The following ELAVL2 variants were observed in gnomAD, a reference collection of about 807,000 sequenced individuals.
ELAVL2 encodes ELAV like RNA binding protein 2.
Under a neutral mutation model 34.6 loss-of-function variants are expected in ELAVL2, and 4 were observed. The ratio of observed to expected loss-of-function variants is 0.12; its 90% CI spans 0.06 to 0.26. The LOEUF (loss-of-function observed/expected upper bound fraction) is 0.26, where lower values mean the gene tolerates loss of function less well. Ranked by LOEUF, ELAVL2 falls within the 10% of genes least tolerant of loss-of-function variation. ELAVL2 has a pLI of 1.00. For missense variants in ELAVL2, 432 were observed against 442.8 expected (o/e 0.98, Z 0.22); for synonymous variants, 193 against 154.8 (o/e 1.25, Z -1.83).
intron 5 of ELAVL2, 24 bp downstream of exon 5, chr9:23,701,355 G>T: frequency 6.2e-7 from 1 of 1,610,934 alleles, no homozygotes; most frequent in Non-Finnish European, 8.5e-7. Flanking sequence ...TAGTAGCTGG[G>T]CACAAGAACC....
chr9:23,827,609 G>A (rs1411551953), upstream of ELAVL2, among the ~76,000 whole-genome samples: 1 of 151,714 alleles, frequency 6.6e-6, no homozygotes, highest in Non-Finnish European at 1.5e-5. Flanking sequence ...TTTTTGAAAG[G>A]GATTCCTTTA....
Position 23,797,904 on chromosome 9 carries a change from C to T in ELAVL2, c.-16+27902G>A, listed in dbSNP as rs149845499. 7.3e-5 allele frequency among the ~76,000 whole-genome samples: 11 copies of T among 150,474 alleles called. No homozygotes were observed. In the East Asian group the frequency reaches 1.6e-3, roughly 21 times the overall value. On this transcript the variant is annotated intron_variant, in intron 1 of 6. Coordinates refer to ENST00000397312, the MANE Select transcript of ELAVL2 (RefSeq NM_004432.5). ...AATCACGCCATTGCACTCCAGCTTG[C>T]GCAACAAGAGTGAAACTCTGTCTCA...
At chr9:23,700,199 T>C (rs572886445) in intron 5 of ELAVL2, among the ~76,000 whole-genome samples, 2 of 152,186 alleles carry the variant, frequency 1.3e-5, no homozygotes, top group African/African-American at 4.8e-5. Context: ...ATAAATAAAA[T>C]TGATATGCAC....
chr9:23,835,079 A>C, the ELAVL2 span, among the ~76,000 whole-genome samples: 3 of 152,014 alleles, frequency 2.0e-5, no homozygotes, highest in Admixed American at 6.6e-5. Flanking sequence ...CCCGGATGTC[A>C]GTCTTTCTGC....
chr9:23,730,819 C>G (rs1358369778), intron 3 of ELAVL2, among the ~76,000 whole-genome samples: 1 of 152,024 alleles, frequency 6.6e-6, no homozygotes, highest in Non-Finnish European at 1.5e-5. Flanking sequence ...GCTCTGTCCC[C>G]CTTTGCGAAT....
chr9:23,756,531 T>A (rs184394892), intron 2 of ELAVL2, among the ~76,000 whole-genome samples: 112 of 152,172 alleles, frequency 7.4e-4, no homozygotes, highest in Non-Finnish European at 1.3e-3. Context: ...CAATCTACCC[T>A]GGAGTTTCAA....
chr9:23,846,887 T>C, the ELAVL2 span, among the ~76,000 whole-genome samples: 1 of 152,124 alleles, frequency 6.6e-6, no homozygotes, highest in Admixed American at 6.6e-5. Flanking sequence ...TTCTATTATT[T>C]GATTGTCATT....
intron 2 of ELAVL2, among the ~76,000 whole-genome samples, chr9:23,758,699 TACTC>T (rs1270492827): frequency 1.3e-5 from 2 of 152,086 alleles, no homozygotes; most frequent in Non-Finnish European, 2.9e-5. Context: ...CAGGGAGAGA[TACTC>T]ACTCTTCCCA....
intron 5 of ELAVL2, among the ~76,000 whole-genome samples, chr9:23,700,315 G>GCAT (rs754212278): frequency 2.0e-4 from 31 of 152,304 alleles, no homozygotes; most frequent in Non-Finnish European, 2.1e-4. Context: ...AATAAAAACT[G>GCAT]CATGACTTGC....
intron 3 of ELAVL2, among the ~76,000 whole-genome samples, chr9:23,706,373 G>A (rs1463076694): frequency 6.6e-6 from 1 of 152,142 alleles, no homozygotes; most frequent in African/African-American, 2.4e-5. Context: ...AACACATTTG[G>A]TGAGTAAAGC....
At chr9:23,704,291 A>T (rs2038554080) in intron 4 of ELAVL2, among the ~76,000 whole-genome samples, 1 of 152,120 alleles carries the variant, frequency 6.6e-6, no homozygotes, top group Non-Finnish European at 1.5e-5. Flanking sequence ...TTCATAATCA[A>T]ATCTATATTG....
chr9:23,730,822 T>C lies in ELAVL2; in HGVS notation c.333+200A>G, dbSNP rs1226023123. 5.3e-5 allele frequency among the ~76,000 whole-genome samples: 8 copies of C among 152,220 alleles called. 1 individual carries two copies. The highest frequency in any genetic ancestry group is 4.6e-4 in the Admixed American group (7 of 15,268). On this transcript the variant is annotated intron_variant, in intron 3 of 6. Coordinates refer to ENST00000397312, the MANE Select transcript of ELAVL2 (RefSeq NM_004432.5). ...AAGAGAGTTGTTGCTCTGTCCCCCTTTGCGAATACATGAATGATTATACAT... is the reference window on the plus strand; with the variant it reads ...AAGAGAGTTGTTGCTCTGTCCCCCTCTGCGAATACATGAATGATTATACAT...
At chr9:23,755,663 T>A (rs1271718101) in intron 2 of ELAVL2, among the ~76,000 whole-genome samples, 1 of 152,198 alleles carries the variant, frequency 6.6e-6, no homozygotes, top group Non-Finnish European at 1.5e-5. Context: ...TCAAATGTAC[T>A]GTATTCCACA....
At chr9:23,707,903 T>C (rs1205069045) in intron 3 of ELAVL2, among the ~76,000 whole-genome samples, 1 of 152,216 alleles carries the variant, frequency 6.6e-6, no homozygotes, top group Non-Finnish European at 1.5e-5. Context: ...AATTTACTCA[T>C]GCAGTGACAT....
chr9:23,816,228 G>A (rs1429014002), intron 1 of ELAVL2, among the ~76,000 whole-genome samples: 3 of 140,012 alleles, frequency 2.1e-5, no homozygotes, highest in East Asian at 2.2e-4. Context: ...AAGAAATGCA[G>A]GAAAGCTAAG....
At chr9:23,798,832 C>T (rs1268038217) in intron 1 of ELAVL2, among the ~76,000 whole-genome samples, 1 of 152,152 alleles carries the variant, frequency 6.6e-6, no homozygotes, top group Non-Finnish European at 1.5e-5. Context: ...TAATTAAATT[C>T]ATTATCTTAA....
chr9:23,775,093 T>A (rs532122437), intron 1 of ELAVL2, among the ~76,000 whole-genome samples: 1 of 152,336 alleles, frequency 6.6e-6, no homozygotes, highest in East Asian at 1.9e-4. Flanking sequence ...GATTTGAGTA[T>A]CTTTTGCTAC....
At chr9:23,699,284 A>G (rs1157838982) in intron 5 of ELAVL2, among the ~76,000 whole-genome samples, 1 of 152,172 alleles carries the variant, frequency 6.6e-6, no homozygotes, top group African/African-American at 2.4e-5. Context: ...TGAGTCACCT[A>G]CAAGCCTTGC....
chr9:23,761,180 A>G (rs1338732024), intron 2 of ELAVL2, among the ~76,000 whole-genome samples: 3 of 152,074 alleles, frequency 2.0e-5, no homozygotes, highest in Admixed American at 6.6e-5. Context: ...TTTGGTATAC[A>G]CTATCAATCA....
Sources: gnomAD v4.1 joint callset for allele counts (sites outside exome capture counted in the v4.1 genomes callset) on GRCh38, gnomAD v4.1.1 for gene constraint, MANE v1.5 for transcripts, NCBI Gene and HGNC (gene_info 2026-07-23, HGNC 2026-07-21) for gene names.